The following CCDC148 variants were observed in gnomAD, a reference collection of about 807,000 sequenced individuals.
CCDC148 encodes the protein coiled-coil domain containing 148, also known as coiled-coil domain-containing protein 148.
Under a neutral mutation model 85.7 loss-of-function variants are expected in CCDC148, and 89 were observed. The observed-to-expected ratio is 1.04, with a 90% confidence interval of 0.87 to 1.24. The LOEUF is 1.24. Among genes scored for constraint, CCDC148 ranks in the 50% most tolerant of loss-of-function variants. The probability of loss-of-function intolerance (pLI) is 0.00; values close to 1 mark genes in which losing one functional copy is unlikely to be tolerated. For missense variants in CCDC148, 692 were observed against 671.7 expected, an observed-to-expected ratio of 1.03 and a Z score of -0.33; for synonymous variants, 230 against 213.9, an observed-to-expected ratio of 1.08 and a Z score of -0.66.
intron 10 of CCDC148, among the ~76,000 whole-genome samples, chr2:158,224,655 T>G (rs1687395894): frequency 6.6e-6 from 1 of 152,188 alleles, no homozygotes; most frequent in Non-Finnish European, 1.5e-5. Flanking sequence ...TATTCAACAT[T>G]CTTAAAGAAA....
intron 1 of CCDC148, among the ~76,000 whole-genome samples, chr2:158,359,592 C>T (rs1318859852): frequency 1.3e-5 from 2 of 152,120 alleles, no homozygotes; most frequent in Admixed American, 6.5e-5. Context: ...GGGGAAACTC[C>T]CTCCCCTAGC....
At chr2:158,437,703 T>C (rs1280903753) in intron 1 of CCDC148, among the ~76,000 whole-genome samples, 1 of 152,220 alleles carries the variant, frequency 6.6e-6, no homozygotes, top group Non-Finnish European at 1.5e-5. Context: ...TGTTTGCAGA[T>C]GACATAATTG....
intron 9 of CCDC148, among the ~76,000 whole-genome samples, chr2:158,275,882 T>A (rs568081306): frequency 6.6e-6 from 1 of 152,276 alleles, no homozygotes; most frequent in East Asian, 1.9e-4. Context: ...CATCAGTACT[T>A]CTCTGTACCC....
intron 1 of CCDC148, among the ~76,000 whole-genome samples, chr2:158,412,449 C>G (rs915792014): frequency 3.3e-5 from 5 of 152,156 alleles, no homozygotes; most frequent in Admixed American, 1.3e-4. Flanking sequence ...CTAAATTCCT[C>G]TCATGATTTG....
intron 7 of CCDC148, among the ~76,000 whole-genome samples, chr2:158,330,175 A>C (rs1169451853): frequency 6.6e-6 from 1 of 152,172 alleles, no homozygotes; most frequent in Non-Finnish European, 1.5e-5. Context: ...ATTTTGAGAT[A>C]CGTCCCATCA....
At chr2:158,279,963 G>A (rs1253770691) in intron 9 of CCDC148, among the ~76,000 whole-genome samples, 3 of 151,526 alleles carry the variant, frequency 2.0e-5, no homozygotes, top group Non-Finnish European at 4.4e-5. Context: ...GAGAGTGGGG[G>A]CCAATATTCA....
intron 1 of CCDC148, among the ~76,000 whole-genome samples, chr2:158,437,730 C>G (rs1687729492): frequency 1.3e-5 from 2 of 152,148 alleles, no homozygotes; most frequent in Admixed American, 6.5e-5. Context: ...TAGAAAACCC[C>G]ATCGTCTCAG....
At chr2:158,307,566 A>T (rs1691753315) in intron 9 of CCDC148, among the ~76,000 whole-genome samples, 1 of 152,268 alleles carries the variant, frequency 6.6e-6, no homozygotes, top group South Asian at 2.1e-4. Flanking sequence ...TCTATCCAAT[A>T]GAAATGAATG....
chr2:158,284,635 G>A (rs1167645079), intron 9 of CCDC148, among the ~76,000 whole-genome samples: 1 of 152,158 alleles, frequency 6.6e-6, no homozygotes, highest in Non-Finnish European at 1.5e-5. Context: ...TTCAAGCTTT[G>A]GTCCTGGACT....
intron 10 of CCDC148, among the ~76,000 whole-genome samples, chr2:158,248,492 A>G (rs1688660600): frequency 6.6e-6 from 1 of 152,176 alleles, no homozygotes; most frequent in South Asian, 2.1e-4. Flanking sequence ...CTAGGGTTTG[A>G]CCACAACTTT....
intron 10 of CCDC148, among the ~76,000 whole-genome samples, chr2:158,237,990 T>C (rs1332088108): frequency 1.3e-5 from 2 of 152,080 alleles, no homozygotes; most frequent in Non-Finnish European, 2.9e-5. Context: ...AGACAAAGAA[T>C]TGATCATTGA....
At chr2:158,178,574 G>A (rs564353912) in intron 12 of CCDC148, among the ~76,000 whole-genome samples, 7 of 152,282 alleles carry the variant, frequency 4.6e-5, no homozygotes, top group African/African-American at 1.7e-4. Flanking sequence ...TAGACTAGAT[G>A]TAGAGCCTCA....
At chr2:158,444,362 A>G (rs1333670591) in intron 1 of CCDC148, among the ~76,000 whole-genome samples, 2 of 152,220 alleles carry the variant, frequency 1.3e-5, no homozygotes, top group Non-Finnish European at 2.9e-5. Flanking sequence ...CTCTAGTCCT[A>G]AAATTCTATA....
intron 9 of CCDC148, among the ~76,000 whole-genome samples, chr2:158,304,044 T>C (rs1182265519): frequency 2.0e-5 from 3 of 152,066 alleles, no homozygotes; most frequent in Non-Finnish European, 4.4e-5. Context: ...CAACCACCAA[T>C]TGAAAACTCA....
At position 158,353,723 on chromosome 2, in the gene CCDC148, A is replaced by G. The variant is rs1442966089; in HGVS notation, c.147+4726T>C. Among the ~76,000 whole-genome samples the G allele has an allele frequency of 5.3e-5, 8 of 152,186 alleles. No homozygotes were observed. In the East Asian group the frequency reaches 9.6e-4, roughly 18 times the overall value. On this transcript the variant is annotated intron_variant, in intron 2 of 13. Coordinates refer to ENST00000283233, the MANE Select transcript of CCDC148 (RefSeq NM_138803.4). Reference sequence around the variant, plus strand: ...AATTGAACTCAGCTCTGCACCAAGCAGACCTAATAGATATCTACAGAACTC... The same window carrying G: ...AATTGAACTCAGCTCTGCACCAAGCGGACCTAATAGATATCTACAGAACTC...
chr2:158,201,897 G>A (rs560770668), intron 11 of CCDC148, among the ~76,000 whole-genome samples: 5 of 152,190 alleles, frequency 3.3e-5, no homozygotes, highest in African/African-American at 9.6e-5. Context: ...GGTTAAGTAC[G>A]TAATTGTCCT....
At chr2:158,365,943 A>C (rs1684182184) in intron 1 of CCDC148, 1 of 1,107,832 alleles carries the variant, frequency 9.0e-7, no homozygotes, top group East Asian at 2.7e-5. Flanking sequence ...TCAACATTCC[A>C]ATTGTGTATC....
intron 1 of CCDC148, among the ~76,000 whole-genome samples, chr2:158,391,400 T>G (rs983229464): frequency 1.3e-5 from 2 of 152,168 alleles, no homozygotes; most frequent in African/African-American, 4.8e-5. Context: ...AGAGAACATT[T>G]AACCAAGATG....
chr2:158,242,832 T>C (rs1688409323), intron 10 of CCDC148, among the ~76,000 whole-genome samples: 1 of 152,086 alleles, frequency 6.6e-6, no homozygotes, highest in Admixed American at 6.6e-5. Context: ...CTGCTCTCCT[T>C]CTATTGAGCC....
Sources: allele counts gnomAD v4.1 joint callset (sites outside exome capture counted in the v4.1 genomes callset), GRCh38; gene constraint gnomAD v4.1.1; transcripts MANE v1.5; gene names NCBI Gene and HGNC (gene_info 2026-07-23, HGNC 2026-07-21).